Variants in DSC2 observed in about 807,000 individuals in gnomAD.
DSC2 encodes desmocollin 2.
In DSC2, 51 loss-of-function variants were observed where a neutral mutation model predicts 87.6. That is an observed-to-expected ratio of 0.58 (90% CI 0.46 to 0.74). The LOEUF (loss-of-function observed/expected upper bound fraction) is 0.74, where lower values mean the gene tolerates loss of function less well. DSC2 is among the 30% of genes least tolerant of loss of function. DSC2 has a pLI of 0.00. For synonymous variants in DSC2, 383 were observed against 393.2 expected, an observed-to-expected ratio of 0.97 and a Z score of 0.31; for missense variants, 1,066 against 1,089.5, an observed-to-expected ratio of 0.98 and a Z score of 0.30.
At chr18:31,073,035 CAAACAGG>C (rs1406550484) in intron 12 of DSC2, among the ~76,000 whole-genome samples, 1 of 152,082 alleles carries the variant, frequency 6.6e-6, no homozygotes, top group African/African-American at 2.4e-5. Context: ...ACTTAACTAA[CAAACAGG>C]GAAGAACCAG....
rs546964113 is a variant in DSC2 at position 31,065,459 on chromosome 18, A to G, written c.*2556T>C. 9.2e-5 allele frequency: 14 copies of G among 152,330 alleles called. No individual in the cohort carries two copies. Among genetic ancestry groups the G allele is most frequent in the African/African-American group, 3.1e-4 (13 of 41,596 alleles). The allele number at this position is 152,330 out of a possible 1,614,324, so 9.4% of individuals were successfully genotyped here. A position where few individuals can be genotyped will look rare whatever the true frequency, so the allele number is the denominator to read the frequency against. On this transcript the variant is annotated 3_prime_UTR_variant, in exon 16 of 16. Coordinates refer to ENST00000280904, the MANE Select transcript of DSC2 (RefSeq NM_024422.6). ...CTCTACCCTCCTCAGTACAGGTCCT[A>G]TAAGTAAGGAAACTAAGCACAGAAA...
In DSC2 at chr18:31,060,378, C is replaced by A. The variant is rs1227828792; in HGVS notation, c.*7637G>T. ...TATTGGTTAACTCATGTCCTTGGTG[C>A]CTGGGAGTTTTCCAATTGGCCCTGT... On this transcript the variant is annotated 3_prime_UTR_variant, in exon 16 of 16. Coordinates refer to ENST00000280904, the MANE Select transcript of DSC2 (RefSeq NM_024422.6). The A allele has an allele frequency of 6.6e-6, 1 of 152,150 alleles. No individual in the cohort carries two copies. Among genetic ancestry groups the A allele is most frequent in the Non-Finnish European group, 1.5e-5 (1 of 68,052 alleles). The allele number at this position is 152,150 out of a possible 1,614,324, so 9.4% of individuals were successfully genotyped here. A position where few individuals can be genotyped will look rare whatever the true frequency, so the allele number is the denominator to read the frequency against.
rs1427088103 is a variant in DSC2, at chr18:31,058,905, T to C, written c.*9110A>G. 1 of 152,190 alleles carries C rather than the reference T, an allele frequency of 6.6e-6. No homozygotes were observed. Among genetic ancestry groups the C allele is most frequent in the East Asian group, 1.9e-4 (1 of 5,200 alleles). The allele number at this position is 152,190 out of a possible 1,614,324, so 9.4% of individuals were successfully genotyped here. ...ATTATATCACTTCTGGGACTACATA[T>C]TTTTGAGAGCAGAGGCCATATCTTA... On this transcript the variant is annotated 3_prime_UTR_variant, in exon 16 of 16. Transcript: ENST00000280904.
Position 31,062,697 on chromosome 18 carries a change from G to A in DSC2, c.*5318C>T, listed in dbSNP as rs1986524503. The A allele has an allele frequency of 6.6e-6, 1 of 152,164 alleles. No individual in the cohort carries two copies. The highest frequency in any genetic ancestry group is 1.5e-5 in the Non-Finnish European group (1 of 68,050). The allele number at this position is 152,164 out of a possible 1,614,324, so 9.4% of individuals were successfully genotyped here. ...TTTCAATATGGGGCAATTATTGGTG[G>A]CTACAAGTAGGTTCGTGCAATTATT... On this transcript the variant is annotated 3_prime_UTR_variant, in exon 16 of 16. Coordinates refer to ENST00000280904, the MANE Select transcript of DSC2 (RefSeq NM_024422.6).
chr18:31,093,125 A>T (rs1311851076), intron 2 of DSC2, among the ~76,000 whole-genome samples: 1 of 152,148 alleles, frequency 6.6e-6, no homozygotes, highest in Non-Finnish European at 1.5e-5. Context: ...GCAAATCAGG[A>T]TTTATTTTGT....
rs934936750 is a variant in DSC2 at position 31,097,406 on chromosome 18, G to A, written c.70-3763C>T. On this transcript the variant is annotated intron_variant, in intron 1 of 15. Coordinates refer to ENST00000280904, the MANE Select transcript of DSC2 (RefSeq NM_024422.6). ...GGAAACCTGAAAACATTTCTGCAGG[G>A]CAGAAAAGTACACTTGCAAAAAAAG... is the stretch of plus-strand genomic sequence containing the variant. Among the ~76,000 whole-genome samples the A allele has an allele frequency of 3.3e-5, 5 of 151,582 alleles. 1 individual carries two copies. The highest frequency in any genetic ancestry group is 2.6e-4 in the Admixed American group (4 of 15,254).
intron 11 of DSC2, among the ~76,000 whole-genome samples, chr18:31,077,317 C>T (rs1987056420): frequency 1.3e-5 from 2 of 152,170 alleles, no homozygotes; most frequent in South Asian, 4.1e-4. Context: ...TGTTACCTTG[C>T]TCTCTCTGAA....
intron 11 of DSC2, among the ~76,000 whole-genome samples, chr18:31,075,962 C>T (rs1396137434): frequency 6.6e-6 from 1 of 152,236 alleles, no homozygotes; most frequent in East Asian, 1.9e-4. Context: ...GATGAAACAG[C>T]CATGGACCCA....
chr18:31,075,636 AGG>A (rs1986990296), intron 11 of DSC2, among the ~76,000 whole-genome samples: 1 of 152,172 alleles, frequency 6.6e-6, no homozygotes, highest in Non-Finnish European at 1.5e-5. Flanking sequence ...AGATCACCTG[AGG>A]TCAGGAGTTC....
chr18:31,093,706 T>TATTTATA, intron 1 of DSC2, 63 bp from the exon 2 acceptor site: 1 of 797,082 alleles, frequency 1.3e-6, no homozygotes, highest in Non-Finnish European at 1.7e-6. Context: ...ATGTGTATAT[T>TATTTATA]ATTTATATAA....
intron 1 of DSC2, among the ~76,000 whole-genome samples, chr18:31,096,158 G>A (rs1987754693): frequency 6.6e-6 from 1 of 152,118 alleles, no homozygotes; most frequent in Admixed American, 6.5e-5. Context: ...GTCCAATGTG[G>A]AGAATGGAAA....
rs1470307098 is a variant in DSC2, at chr18:31,061,273, A to G, written c.*6742T>C. 2.0e-5 allele frequency: 3 copies of G among 152,218 alleles called. No homozygotes were observed. Among genetic ancestry groups the G allele is most frequent in the Non-Finnish European group, 4.4e-5 (3 of 68,034 alleles). The allele number at this position is 152,218 out of a possible 1,614,324, so 9.4% of individuals were successfully genotyped here. A position where few individuals can be genotyped will look rare whatever the true frequency, so the allele number is the denominator to read the frequency against. Reference sequence around the variant, plus strand: ...GCTCTGTCCTCTCCCTTGAATCCTAACAAAATAAGTAAACAGAAAAGATGT... The same window carrying G: ...GCTCTGTCCTCTCCCTTGAATCCTAGCAAAATAAGTAAACAGAAAAGATGT... On this transcript the variant is annotated 3_prime_UTR_variant, in exon 16 of 16. Transcript: ENST00000280904.
chr18:31,101,293 G>GGCC, intron 1 of DSC2: 1 of 450,174 alleles, frequency 2.2e-6, no homozygotes, highest in Non-Finnish European at 2.5e-6. Context: ...ACTTCCCCCC[G>GGCC]CCCTTCTCTC....
intron 11 of DSC2, among the ~76,000 whole-genome samples, chr18:31,077,143 C>T (rs2144806064): frequency 6.6e-6 from 1 of 152,228 alleles, no homozygotes; most frequent in East Asian, 1.9e-4. Context: ...AAGCAGGAAA[C>T]AACGCAACTA....
At chr18:31,096,775 A>G (rs1987773228) in intron 1 of DSC2, among the ~76,000 whole-genome samples, 1 of 152,160 alleles carries the variant, frequency 6.6e-6, no homozygotes, top group African/African-American at 2.4e-5. Flanking sequence ...AAACTCAGAA[A>G]CAAGACAGGC....
At chr18:31,096,878 A>G (rs1202229836) in intron 1 of DSC2, among the ~76,000 whole-genome samples, 1 of 152,162 alleles carries the variant, frequency 6.6e-6, no homozygotes, top group Non-Finnish European at 1.5e-5. Flanking sequence ...AAATCTCTGC[A>G]TTTGATATGA....
Position 31,102,301 on chromosome 18 carries a change from C to T in DSC2, c.-330G>A, listed in dbSNP as rs1041396079. ...CTCCCTCTCGCCGCCACCCTTTTACCTGCGCAAGGTGTTTCTCACCAGCGG... is the reference window on the plus strand; with the variant it reads ...CTCCCTCTCGCCGCCACCCTTTTACTTGCGCAAGGTGTTTCTCACCAGCGG... On this transcript the variant is annotated 5_prime_UTR_variant, in exon 1 of 16. Coordinates refer to ENST00000280904, the MANE Select transcript of DSC2 (RefSeq NM_024422.6). The T allele has an allele frequency of 7.5e-6, 2 of 268,356 alleles. No homozygotes were observed. Among genetic ancestry groups the T allele is most frequent in the Admixed American group, 5.4e-5 (1 of 18,490 alleles). 16.6% of individuals were successfully genotyped at this position (268,356 alleles called of 1,614,324 possible). A position where few individuals can be genotyped will look rare whatever the true frequency, so the allele number is the denominator to read the frequency against.
intron 15 of DSC2, among the ~76,000 whole-genome samples, chr18:31,068,664 T>A (rs892389858): frequency 1.3e-5 from 2 of 152,118 alleles, no homozygotes; most frequent in African/African-American, 4.8e-5. Flanking sequence ...GTAATTTAAA[T>A]CTCATCACAC....
intron 5 of DSC2, 134 bp from the exon 6 acceptor site, chr18:31,087,947 G>A (rs1016719736): frequency 3.4e-6 from 3 of 879,770 alleles, no homozygotes; most frequent in Non-Finnish European, 5.4e-6. Flanking sequence ...TATTGTTCTG[G>A]GATATGGATA....
Sources: allele counts gnomAD v4.1 joint callset (sites outside exome capture counted in the v4.1 genomes callset), GRCh38; gene constraint gnomAD v4.1.1; transcripts MANE v1.5; gene names NCBI Gene and HGNC (gene_info 2026-07-23, HGNC 2026-07-21).